The following CNOT2 variants were observed in gnomAD, a reference collection of about 807,000 sequenced individuals.
CNOT2 encodes the protein CC chemokine receptor 4-negative regulator of transcription 2.
In CNOT2, 7 loss-of-function variants were observed where a neutral mutation model predicts 72.1. That is an observed-to-expected ratio of 0.10 (90% confidence interval 0.06 to 0.18). The LOEUF (loss-of-function observed/expected upper bound fraction) is 0.18, where lower values mean the gene tolerates loss of function less well. Ranked by LOEUF, CNOT2 falls within the 10% of genes least tolerant of loss-of-function variation. The probability of loss-of-function intolerance (pLI) is 1.00; values close to 1 mark genes in which losing one functional copy is unlikely to be tolerated. For missense variants in CNOT2, 345 were observed against 660.3 expected, an observed-to-expected ratio of 0.52 and a Z score of 5.23; for synonymous variants, 196 against 225.6, an observed-to-expected ratio of 0.87 and a Z score of 1.17.
chr12:70,308,980 T>G (rs920806112), intron 2 of CNOT2, among the ~76,000 whole-genome samples: 1 of 152,198 alleles, frequency 6.6e-6, no homozygotes, highest in Non-Finnish European at 1.5e-5. Flanking sequence ...TAAAGATAAT[T>G]AAATGTATCT....
chr12:70,344,385 C>T (rs1175415674), intron 14 of CNOT2, 157 bp downstream of exon 14: 2 of 559,856 alleles, frequency 3.6e-6, no homozygotes, highest in Non-Finnish European at 6.3e-6. Context: ...AGATTAAAAC[C>T]GTATCTTAAC....
intron 2 of CNOT2, among the ~76,000 whole-genome samples, chr12:70,293,774 ACT>A (rs1872347772): frequency 6.6e-6 from 1 of 152,070 alleles, no homozygotes; most frequent in Non-Finnish European, 1.5e-5. Flanking sequence ...AATGTTGAGT[ACT>A]CAAGAGAGCA....
Position 70,338,812 on chromosome 12 carries a change from A to G in CNOT2, c.1168A>G (p.Asn390Asp). 6.2e-7 allele frequency: 1 copy of G among 1,613,016 alleles called. No homozygotes were observed. Among genetic ancestry groups the G allele is most frequent in the Non-Finnish European group, 8.5e-7 (1 of 1,179,412 alleles). ...SDLTTLGLNL[N>D]SPENLYPKFA... ...CTTAACAACATTAGGCCTCAATCTG[A>G]ACTCTCCTGAGTAAGTTTTTTCTGT... is the stretch of plus-strand genomic sequence containing the variant. Residue 390 changes from asparagine (N) to aspartate (D), a missense_variant, in exon 11 of 16, where the codon AAC becomes GAC. Asn to Asp is a conservative substitution (Grantham distance 23). Around this residue, in one of 4 missense-constraint regions of CNOT2, gnomAD observed 128 missense variants for 233.0 expected, o/e 0.55. Coordinates refer to ENST00000229195, the MANE Select transcript of CNOT2 (RefSeq NM_014515.7).
intron 3 of CNOT2, among the ~76,000 whole-genome samples, chr12:70,314,684 A>C (rs1593210571): frequency 6.6e-6 from 1 of 152,174 alleles, no homozygotes; most frequent in African/African-American, 2.4e-5. Flanking sequence ...AATGTTCCTT[A>C]TGTAAGCTTA....
chr12:70,288,396 C>T (rs1310266132), intron 2 of CNOT2, among the ~76,000 whole-genome samples: 4 of 152,060 alleles, frequency 2.6e-5, no homozygotes, highest in African/African-American at 7.3e-5. Context: ...ATCCACCTAC[C>T]TCGGCCTGGG....
intron 15 of CNOT2, among the ~76,000 whole-genome samples, chr12:70,353,170 T>A (rs1883084011): frequency 6.6e-6 from 1 of 151,900 alleles, no homozygotes; most frequent in East Asian, 1.9e-4. Flanking sequence ...CCTGCCAGGT[T>A]CAAGCGATTC....
At chr12:70,299,004 A>G (rs1262465894) in intron 2 of CNOT2, among the ~76,000 whole-genome samples, 1 of 152,170 alleles carries the variant, frequency 6.6e-6, no homozygotes, top group Non-Finnish European at 1.5e-5. Flanking sequence ...GTTCTAGTGT[A>G]TTATTAGTCC....
At chr12:70,322,965 A>G (rs1418874417) in intron 4 of CNOT2, 2 of 151,776 alleles carry the variant, frequency 1.3e-5, no homozygotes, top group African/African-American at 4.8e-5. Context: ...TATATGTAAA[A>G]TATTAAATAA....
chr12:70,338,404 A>G, intron 9 of CNOT2, 39 bp from the exon 10 acceptor site: 1 of 1,556,918 alleles, frequency 6.4e-7, no homozygotes, highest in Non-Finnish European at 8.7e-7. Context: ...TTGTATACTT[A>G]ACAAATTTTA....
chr12:70,336,971 C>T (rs1283071366), intron 8 of CNOT2: 3 of 155,292 alleles, frequency 1.9e-5, no homozygotes, highest in Non-Finnish European at 4.3e-5. Context: ...AATTTGCTCA[C>T]TCTGTAAGTC....
chr12:70,353,879 C>T lies in CNOT2; in HGVS notation c.1587C>T (p.Ser529=), dbSNP rs1398448391. 1.2e-6 allele frequency: 2 copies of T among 1,605,356 alleles called. No homozygotes were observed. The highest frequency in any genetic ancestry group is 2.2e-5 in the East Asian group (1 of 44,594). Residue 529 remains serine, a synonymous_variant, in exon 16 of 16, where the codon TCC becomes TCT. Transcript: ENST00000229195. ...DKLEERPHLP[S]TFNYNPAQQA... ...TAGAAGAACGGCCTCACCTGCCATC[C>T]ACCTTCAACTACAACCCTGCTCAGC...
intron 15 of CNOT2, among the ~76,000 whole-genome samples, chr12:70,351,679 T>C (rs1882882730): frequency 6.6e-6 from 1 of 152,194 alleles, no homozygotes; most frequent in Non-Finnish European, 1.5e-5. Context: ...ACTTACCACT[T>C]TGTGGAAGTT....
intron 2 of CNOT2, among the ~76,000 whole-genome samples, chr12:70,283,114 T>G (rs1870161825): frequency 6.6e-6 from 1 of 152,182 alleles, no homozygotes; most frequent in Non-Finnish European, 1.5e-5. Flanking sequence ...TTAAGTGTAT[T>G]TCCTTTCTTT....
chr12:70,339,091 TAC>T (rs1555205817), intron 11 of CNOT2, among the ~76,000 whole-genome samples: 33 of 138,332 alleles, frequency 2.4e-4, no homozygotes, highest in African/African-American at 4.2e-4. Context: ...TATATATATA[TAC>T]ACACACACAC....
chr12:70,326,055 G>C (rs575343784), intron 4 of CNOT2, among the ~76,000 whole-genome samples: 4 of 151,822 alleles, frequency 2.6e-5, no homozygotes, highest in African/African-American at 9.6e-5. Flanking sequence ...TTCTTTAAGG[G>C]TTTCTGAAAA....
At chr12:70,247,460 CTTTTT>C (rs1957933688) in intron 1 of CNOT2, among the ~76,000 whole-genome samples, 4 of 152,104 alleles carry the variant, frequency 2.6e-5, no homozygotes, top group Non-Finnish European at 5.9e-5. Flanking sequence ...CCGTCCTATT[CTTTTT>C]ATTCATGTGT....
chr12:70,296,269 G>A (rs931491096), intron 2 of CNOT2, among the ~76,000 whole-genome samples: 3 of 152,022 alleles, frequency 2.0e-5, no homozygotes, highest in Non-Finnish European at 4.4e-5. Context: ...ACTCTGCCAG[G>A]ATATTTATCT....
intron 1 of CNOT2, among the ~76,000 whole-genome samples, chr12:70,263,539 T>A (rs535060330): frequency 1.3e-5 from 2 of 152,302 alleles, no homozygotes; most frequent in South Asian, 4.1e-4. Flanking sequence ...AACTACATAA[T>A]ATCTCTTTTT....
intron 4 of CNOT2, chr12:70,323,723 T>A (rs1199724460): frequency 6.6e-6 from 1 of 151,784 alleles, no homozygotes; most frequent in African/African-American, 2.4e-5. Context: ...AGTCTTCACA[T>A]TTCTGAGAGA....
Sources: allele counts gnomAD v4.1 joint callset (sites outside exome capture counted in the v4.1 genomes callset), GRCh38; gene constraint gnomAD v4.1.1; regional missense constraint gnomAD v4.1.1; transcripts MANE v1.5; gene names NCBI Gene and HGNC (gene_info 2026-07-23, HGNC 2026-07-21).